Variants in CSMD1 observed in about 807,000 individuals in gnomAD.
CSMD1 encodes the protein CUB and Sushi multiple domains 1.
CSMD1 carries 213 observed loss-of-function variants against 417.5 expected under a neutral mutation model. The observed-to-expected ratio is 0.51, with a 90% confidence interval of 0.46 to 0.57. The LOEUF (loss-of-function observed/expected upper bound fraction) is 0.57, where lower values mean the gene tolerates loss of function less well. CSMD1 is among the 20% of genes least tolerant of loss of function. The pLI, the probability that CSMD1 is intolerant of heterozygous loss-of-function variation, is 0.00. For synonymous variants in CSMD1, 2,862 were observed against 1,736.8 expected (o/e 1.65, Z -16.11); for missense variants, 6,923 against 4,529.7 (o/e 1.53, Z -15.17).
chr8:3,293,289 T>G (rs1803715212), intron 25 of CSMD1, among the ~76,000 whole-genome samples: 1 of 152,192 alleles, frequency 6.6e-6, no homozygotes, highest in Admixed American at 6.5e-5. Context: ...TTGGTGAATC[T>G]GACAATTATG....
intron 5 of CSMD1, among the ~76,000 whole-genome samples, chr8:3,816,248 G>A (rs193103095): frequency 3.4e-4 from 52 of 152,200 alleles, no homozygotes; most frequent in African/African-American, 1.2e-3. Context: ...TCCTGGTTAC[G>A]GTGCATTCAT....
intron 49 of CSMD1, among the ~76,000 whole-genome samples, chr8:3,072,724 C>T (rs775837434): frequency 3.8e-4 from 58 of 152,140 alleles, no homozygotes; most frequent in Non-Finnish European, 7.3e-4. Context: ...CTTTTCATCT[C>T]CACTTGGAGT....
intron 3 of CSMD1, among the ~76,000 whole-genome samples, chr8:4,046,787 G>A (rs1464425394): frequency 1.3e-5 from 2 of 152,128 alleles, no homozygotes; most frequent in African/African-American, 2.4e-5. Context: ...TGCACAGCCT[G>A]GGGAGCAAGT....
intron 3 of CSMD1, among the ~76,000 whole-genome samples, chr8:4,364,998 T>C (rs1323024177): frequency 6.6e-6 from 1 of 152,148 alleles, no homozygotes; most frequent in Non-Finnish European, 1.5e-5. Context: ...ACATTTATAT[T>C]CTAATGGAAC....
intron 37 of CSMD1, among the ~76,000 whole-genome samples, chr8:3,169,722 G>A (rs963178118): frequency 8.8e-5 from 11 of 124,742 alleles, no homozygotes; most frequent in African/African-American, 3.1e-4. Flanking sequence ...TAGAAATATA[G>A]CACAAGTTGA....
chr8:4,060,775 C>G (rs1477162452), intron 3 of CSMD1, among the ~76,000 whole-genome samples: 1 of 152,020 alleles, frequency 6.6e-6, no homozygotes, highest in East Asian at 1.9e-4. Flanking sequence ...TGTGGGACCA[C>G]ACAGGACCCT....
intron 33 of CSMD1, among the ~76,000 whole-genome samples, chr8:3,194,919 A>G (rs753968078): frequency 6.6e-6 from 1 of 152,080 alleles, no homozygotes; most frequent in Admixed American, 6.6e-5. Context: ...AGAGATGGTG[A>G]CCCGGAAAAC....
chr8:3,462,093 A>C (rs1286025814), intron 12 of CSMD1, among the ~76,000 whole-genome samples: 2 of 146,290 alleles, frequency 1.4e-5, no homozygotes, highest in African/African-American at 2.5e-5. Context: ...TCCCAAGGGC[A>C]CCATTTGGGT....
intron 5 of CSMD1, among the ~76,000 whole-genome samples, chr8:3,824,881 T>A (rs1199964951): frequency 6.7e-6 from 1 of 149,408 alleles, no homozygotes; most frequent in African/African-American, 2.6e-5. Flanking sequence ...CAGGCTTTAA[T>A]AAAATGAGAA....
chr8:4,896,803 G>C (rs1481678048), intron 1 of CSMD1, among the ~76,000 whole-genome samples: 4 of 152,096 alleles, frequency 2.6e-5, no homozygotes, highest in East Asian at 3.9e-4. Flanking sequence ...GGGTAGGGCG[G>C]GGGGAAGTGC....
chr8:3,950,754 C>T (rs1156557117), intron 5 of CSMD1, among the ~76,000 whole-genome samples: 2 of 152,242 alleles, frequency 1.3e-5, no homozygotes, highest in Admixed American at 6.5e-5. Flanking sequence ...TTTTTTATCT[C>T]TTACCTCATC....
chr8:3,340,450 T>C (rs1207520039), intron 23 of CSMD1, among the ~76,000 whole-genome samples: 2 of 152,244 alleles, frequency 1.3e-5, no homozygotes, highest in Non-Finnish European at 2.9e-5. Context: ...CTCATGTATA[T>C]GCATTAATTA....
rs146052543 is a variant in CSMD1, at chr8:4,308,189, G to A, written c.415+111764C>T. ...GTTCCTCAATATCTCTGTGAGTTAG[G>A]AGGTGAAGTCACTTGAGACTGTGTG... On this transcript the variant is annotated intron_variant, in intron 3 of 69. Coordinates refer to ENST00000635120, the MANE Select transcript of CSMD1 (RefSeq NM_033225.6). 4.0e-3 allele frequency among the ~76,000 whole-genome samples: 612 copies of A among 152,258 alleles called. 4 individuals carry two copies. Among genetic ancestry groups the A allele is most frequent in the South Asian group, 8.5e-3 (41 of 4,824 alleles).
intron 62 of CSMD1, among the ~76,000 whole-genome samples, chr8:2,960,843 G>C (rs1349994838): frequency 6.7e-6 from 1 of 150,218 alleles, no homozygotes; most frequent in Non-Finnish European, 1.5e-5. Context: ...ACAAATAATA[G>C]AATCATGCAT....
At chr8:3,385,126 TAA>T (rs1418155212) in intron 18 of CSMD1, among the ~76,000 whole-genome samples, 30 of 37,342 alleles carry the variant, frequency 8.0e-4, no homozygotes, top group East Asian at 5.2e-3. Flanking sequence ...ATATAATATA[TAA>T]ATATATAATA....
intron 4 of CSMD1, among the ~76,000 whole-genome samples, chr8:4,024,896 A>C (rs1796983372): frequency 6.6e-6 from 1 of 152,012 alleles, no homozygotes; most frequent in Admixed American, 6.6e-5. Flanking sequence ...GTGTTCCATC[A>C]TAGAATAAAT....
chr8:3,915,116 A>C (rs1292306520), intron 5 of CSMD1, among the ~76,000 whole-genome samples: 2 of 152,092 alleles, frequency 1.3e-5, no homozygotes, highest in Non-Finnish European at 2.9e-5. Context: ...TCAAGAGTTT[A>C]GGTAGCAGGT....
chr8:4,788,340 G>C (rs1340871316), intron 1 of CSMD1: 3 of 1,537,776 alleles, frequency 2.0e-6, no homozygotes, highest in Admixed American at 3.7e-5. Context: ...TGGGAACACT[G>C]CATATCCAGT....
At chr8:3,436,942 G>C (rs757792257) in intron 12 of CSMD1, among the ~76,000 whole-genome samples, 8 of 151,952 alleles carry the variant, frequency 5.3e-5, no homozygotes, top group Non-Finnish European at 7.4e-5. Context: ...AAAAGAGTGT[G>C]AAGCTAAAAA....
Sources: allele counts gnomAD v4.1 joint callset (sites outside exome capture counted in the v4.1 genomes callset), GRCh38; gene constraint gnomAD v4.1.1; transcripts MANE v1.5; gene names NCBI Gene and HGNC (gene_info 2026-07-23, HGNC 2026-07-21).